Variants in C1orf116 observed in about 807,000 individuals in gnomAD.
C1orf116 encodes chromosome 1 open reading frame 116, also known as specifically androgen-regulated gene protein.
In C1orf116, 12 loss-of-function variants were observed where a neutral mutation model predicts 14.1. The ratio of observed to expected loss-of-function variants is 0.85; its 90% CI spans 0.54 to 1.38. The LOEUF (loss-of-function observed/expected upper bound fraction) is 1.38. Ranked by LOEUF, C1orf116 falls within the 40% of genes most tolerant of loss-of-function variation. The probability of loss-of-function intolerance (pLI) is 0.00; values close to 1 mark genes in which losing one functional copy is unlikely to be tolerated. For synonymous variants in C1orf116, 296 were observed against 299.0 expected (o/e 0.99, Z 0.10); for missense variants, 797 against 747.0 (o/e 1.07, Z -0.78).
In C1orf116 at chr1:207,027,580, ACAG is replaced by A; in HGVS notation, c.16_18del (p.Leu6del). On this transcript the variant is annotated inframe_deletion, in exon 2 of 4. Coordinates refer to ENST00000359470, the MANE Select transcript of C1orf116 (RefSeq NM_023938.6). Reference sequence around the variant, plus strand: ...GGTTCTGAGCCAGTCCCCGCTGGCCACAGCTCCCTCTCGGGCATCACCCGAAAC... The same window carrying A: ...GGTTCTGAGCCAGTCCCCGCTGGCCACTCCCTCTCGGGCATCACCCGAAAC... 1 of 1,613,208 alleles carries A rather than the reference ACAG, an allele frequency of 6.2e-7. No individual in the cohort carries two copies. The highest frequency in any genetic ancestry group is 8.5e-7 in the Non-Finnish European group (1 of 1,180,036).
Position 207,023,341 on chromosome 1 carries a change from G to A in C1orf116, c.423C>T (p.Ala141=). ...SYSLPRNIHI[A]RSQNFRKSTT... Reference sequence around the variant, plus strand: ...TGCTTTTCCTGAAGTTCTGGCTTCTGGCAATGTGGATATTCCTAGGGAGGC... The same window carrying A: ...TGCTTTTCCTGAAGTTCTGGCTTCTAGCAATGTGGATATTCCTAGGGAGGC... The change falls in exon 4 of 4, where the codon GCC becomes GCT. Residue 141 remains alanine (A), a synonymous_variant. Transcript: ENST00000359470. The A allele has an allele frequency of 1.9e-6, 3 of 1,614,152 alleles. No homozygotes were observed. Among genetic ancestry groups the A allele is most frequent in the Non-Finnish European group, 2.5e-6 (3 of 1,180,006 alleles).
In C1orf116 at chr1:207,024,899, G is replaced by A. The variant is rs143212097; in HGVS notation, c.271C>T (p.Pro91Ser). 37 of 1,612,272 alleles carry A rather than the reference G, an allele frequency of 2.3e-5. No individual in the cohort carries two copies. In the Middle Eastern group the frequency reaches 6.6e-4, roughly 29 times the overall value. ...GGGTCTGCCTTACCCCGGGGAGTGG[G>A]TTGGGTTATGGGCAGTGCTCGGAAA... ...RGFRALPITQ[P>S]TPRGGPEETI... is the part of the protein sequence containing the mutation. Residue 91 changes from proline (P) to serine (S), a missense_variant, in exon 3 of 4, where the codon CCC becomes TCC. Transcript: ENST00000359470.
In C1orf116 at chr1:207,022,724, C is replaced by A; in HGVS notation, c.1040G>T (p.Arg347Leu). ...CCCCAGCTTCTCTAGAGCTTCTTTACGTGCTTTTCTCTGCTCTTGCAGTGA... is the reference window on the plus strand; with the variant it reads ...CCCCAGCTTCTCTAGAGCTTCTTTAAGTGCTTTTCTCTGCTCTTGCAGTGA... ...SCSLQEQRKA[R>L]KEALEKLGLP... The change falls in exon 4 of 4, where the codon CGT (arginine) becomes CTT (leucine). Residue 347 changes from arginine to leucine, a missense_variant. Arg to Leu is a moderately radical substitution (Grantham distance 102). Coordinates refer to ENST00000359470, the MANE Select transcript of C1orf116 (RefSeq NM_023938.6). The A allele has an allele frequency of 6.2e-7, 1 of 1,614,152 alleles. No homozygotes were observed. The highest frequency in any genetic ancestry group is 8.5e-7 in the Non-Finnish European group (1 of 1,180,028).
At chr1:207,031,669 G>A (rs1169805097) in intron 1 of C1orf116, among the ~76,000 whole-genome samples, 1 of 152,186 alleles carries the variant, frequency 6.6e-6, no homozygotes, top group Non-Finnish European at 1.5e-5. Context: ...CCTTCCTTCT[G>A]CAGGTAAATC....
At position 207,022,741 on chromosome 1, in the gene C1orf116, T is replaced by C. The variant is rs779255398; in HGVS notation, c.1023A>G (p.Gln341=). ...CTTCTTTACGTGCTTTTCTCTGCTC[T>C]TGCAGTGAACAGGAGATCAGGCCAG... ...GDSGLISCSL[Q]EQRKARKEAL... Residue 341 remains glutamine, a synonymous_variant, in exon 4 of 4, where the codon CAA becomes CAG. Coordinates refer to ENST00000359470, the MANE Select transcript of C1orf116 (RefSeq NM_023938.6). 20 of 1,614,058 alleles carry C rather than the reference T, an allele frequency of 1.2e-5. No homozygotes were observed. The highest frequency in any genetic ancestry group is 1.5e-5 in the Non-Finnish European group (18 of 1,180,028).
rs1320975759 is a variant in C1orf116 at position 207,021,816 on chromosome 1, A to G, written c.*142T>C. 2.6e-6 allele frequency: 2 copies of G among 781,564 alleles called. No individual in the cohort carries two copies. The highest frequency in any genetic ancestry group is 3.3e-5 in the Admixed American group (1 of 30,322). The allele number at this position is 781,564 out of a possible 1,614,324, so 48.4% of individuals were successfully genotyped here. On this transcript the variant is annotated 3_prime_UTR_variant, in exon 4 of 4. Transcript: ENST00000359470. ...CCACATGGGAACTCAATGGCACAACACTGAATATAAATGTATGCTTGGACT... is the reference window on the plus strand; with the variant it reads ...CCACATGGGAACTCAATGGCACAACGCTGAATATAAATGTATGCTTGGACT...
At chr1:207,031,296 A>G (rs1682237398) in intron 1 of C1orf116, among the ~76,000 whole-genome samples, 1 of 152,142 alleles carries the variant, frequency 6.6e-6, no homozygotes, top group Non-Finnish European at 1.5e-5. Flanking sequence ...CCCTTTCACC[A>G]GTGTGTTTGA....
At chr1:207,029,045 T>C (rs1682168040) in intron 1 of C1orf116, among the ~76,000 whole-genome samples, 1 of 152,312 alleles carries the variant, frequency 6.6e-6, no homozygotes, top group Admixed American at 6.5e-5. Flanking sequence ...TCTTGGCCTC[T>C]GGTAATAATT....
Position 207,021,916 on chromosome 1 carries a change from C to T in C1orf116, c.*42G>A, listed in dbSNP as rs533936427. ...AGGCTCCCAAGTGGAGCATGTGTCTCTTCTTGTTCAGCCAGGACAGGGTCT... is the reference window on the plus strand; with the variant it reads ...AGGCTCCCAAGTGGAGCATGTGTCTTTTCTTGTTCAGCCAGGACAGGGTCT... On this transcript the variant is annotated 3_prime_UTR_variant, in exon 4 of 4. Transcript: ENST00000359470. 79 of 1,477,972 alleles carry T rather than the reference C, an allele frequency of 5.3e-5. No individual in the cohort carries two copies. The highest frequency in any genetic ancestry group is 6.5e-5 in the Non-Finnish European group (72 of 1,112,988). 91.6% of individuals were successfully genotyped at this position (1,477,972 alleles called of 1,614,324 possible).
Position 207,032,721 on chromosome 1 carries a change from G to T in C1orf116, c.-224C>A, listed in dbSNP as rs915573622. 96 of 985,204 alleles carry T rather than the reference G, an allele frequency of 9.7e-5. 1 individual carries two copies. Among genetic ancestry groups the T allele is most frequent in the Admixed American group, 6.1e-5 (1 of 16,264 alleles). The allele number at this position is 985,204 out of a possible 1,614,324, so 61.0% of individuals were successfully genotyped here. On this transcript the variant is annotated 5_prime_UTR_variant, in exon 1 of 4. Coordinates refer to ENST00000359470, the MANE Select transcript of C1orf116 (RefSeq NM_023938.6). Reference sequence around the variant, plus strand: ...TCCTGACTTACCTAGATAGGTAAATGCTTCATCTGTGCTGCCTGGCCCCCA... The same window carrying T: ...TCCTGACTTACCTAGATAGGTAAATTCTTCATCTGTGCTGCCTGGCCCCCA...
Position 207,019,393 on chromosome 1 carries a change from G to A in C1orf116, c.*2565C>T, listed in dbSNP as rs1040799763. On this transcript the variant is annotated 3_prime_UTR_variant, in exon 4 of 4. Coordinates refer to ENST00000359470, the MANE Select transcript of C1orf116 (RefSeq NM_023938.6). ...AAGGCCAAGTGGAAGTAGAGCTGTC[G>A]CTTTGATTTTGAAAATCAAATGAAT... 7 of 152,224 alleles carry A rather than the reference G, an allele frequency of 4.6e-5. No individual in the cohort carries two copies. Among genetic ancestry groups the A allele is most frequent in the South Asian group, 2.1e-4 (1 of 4,834 alleles). 9.4% of individuals were successfully genotyped at this position (152,224 alleles called of 1,614,324 possible). A position where few individuals can be genotyped will look rare whatever the true frequency, so the allele number is the denominator to read the frequency against.
rs969719993 is a variant in C1orf116 at position 207,019,245 on chromosome 1, C to T, written c.*2713G>A. ...CAGGTGTGGCAATTCAGAAGAGCAGCTGTCAACACATCTGAGGGCACAGAC... is the reference window on the plus strand; with the variant it reads ...CAGGTGTGGCAATTCAGAAGAGCAGTTGTCAACACATCTGAGGGCACAGAC... On this transcript the variant is annotated 3_prime_UTR_variant, in exon 4 of 4. Transcript: ENST00000359470. 6.6e-6 allele frequency: 1 copy of T among 152,292 alleles called. No homozygotes were observed. Among genetic ancestry groups the T allele is most frequent in the African/African-American group, 2.4e-5 (1 of 41,450 alleles). 9.4% of individuals were successfully genotyped at this position (152,292 alleles called of 1,614,324 possible).
intron 1 of C1orf116, 59 bp downstream of exon 1, chr1:207,032,520 C>T (rs1406464504): frequency 1.0e-6 from 1 of 975,722 alleles, no homozygotes; most frequent in Non-Finnish European, 1.2e-6. Context: ...CTCTGATTTC[C>T]CATGAAACCC....
In C1orf116 at chr1:207,023,271, C is replaced by G; in HGVS notation, c.493G>C (p.Ala165Pro). The change falls in exon 4 of 4, where the codon GCG becomes CCG. Residue 165 changes from alanine (A) to proline (P), a missense_variant. Coordinates refer to ENST00000359470, the MANE Select transcript of C1orf116 (RefSeq NM_023938.6). ...SHNPGEPGRL[A>P]PEPEKEQVSQ... ...ACCTGTTCTTTCTCAGGCTCTGGCG[C>G]AAGCCTCCCCGGTTCTCCAGGGTTG... The G allele has an allele frequency of 6.2e-7, 1 of 1,613,884 alleles. No homozygotes were observed. Among genetic ancestry groups the G allele is most frequent in the Non-Finnish European group, 8.5e-7 (1 of 1,179,816 alleles).
Position 207,023,320 on chromosome 1 carries a change from T to C in C1orf116, c.444A>G (p.Lys148=). 2 of 1,614,148 alleles carry C rather than the reference T, an allele frequency of 1.2e-6. No individual in the cohort carries two copies. The highest frequency in any genetic ancestry group is 2.2e-5 in the East Asian group (1 of 44,876). The change falls in exon 4 of 4, where the codon AAA becomes AAG. Residue 148 remains lysine (K), a synonymous_variant. Coordinates refer to ENST00000359470, the MANE Select transcript of C1orf116 (RefSeq NM_023938.6). The part of the protein sequence containing the change: ...IHIARSQNFR[K]STTQASSHNP... The stretch of plus-strand genomic sequence containing the variant: ...TGTGACTGCTAGCCTGGGTGGTGCT[T>C]TTCCTGAAGTTCTGGCTTCTGGCAA...
In C1orf116 at chr1:207,019,914, T is replaced by C. The variant is rs1681785434; in HGVS notation, c.*2044A>G. ...ATGACCTTGACCATCCTAATCACACTTGTGTGATGCCAGGGCCCCAGGTTC... is the reference window on the plus strand; with the variant it reads ...ATGACCTTGACCATCCTAATCACACCTGTGTGATGCCAGGGCCCCAGGTTC... On this transcript the variant is annotated 3_prime_UTR_variant, in exon 4 of 4. Coordinates refer to ENST00000359470, the MANE Select transcript of C1orf116 (RefSeq NM_023938.6). The C allele has an allele frequency of 6.6e-6, 1 of 152,178 alleles. No individual in the cohort carries two copies. Among genetic ancestry groups the C allele is most frequent in the South Asian group, 2.1e-4 (1 of 4,828 alleles). The allele number at this position is 152,178 out of a possible 1,614,324, so 9.4% of individuals were successfully genotyped here.
intron 3 of C1orf116, among the ~76,000 whole-genome samples, chr1:207,024,682 A>C (rs1426174674): frequency 1.3e-5 from 2 of 152,216 alleles, no homozygotes; most frequent in African/African-American, 4.8e-5. Context: ...TCATAGACAG[A>C]CATAGGAAGC....
At position 207,027,602 on chromosome 1, in the gene C1orf116, C is replaced by T. The variant is rs1192870621; in HGVS notation, c.-4G>A. The T allele has an allele frequency of 1.9e-6, 3 of 1,611,652 alleles. No individual in the cohort carries two copies. The highest frequency in any genetic ancestry group is 8.5e-7 in the Non-Finnish European group (1 of 1,180,006). On this transcript the variant is annotated 5_prime_UTR_variant, in exon 2 of 4. Transcript: ENST00000359470. ...GCCACAGCTCCCTCTCGGGCATCAC[C>T]CGAAACAAGGTGCAGGGATGGCAAA... is the stretch of plus-strand genomic sequence containing the variant.
chr1:207,024,794 GGGGTAGAGGGCAGGCGAGGTAGAAAGT>G (rs1682019760), intron 3 of C1orf116, 66 bp downstream of exon 3: 1 of 1,433,174 alleles, frequency 7.0e-7, no homozygotes, highest in South Asian at 1.3e-5. Context: ...TGTGACCCTT[GGGGTAGAGGGCAGGCGAGGTAGAAAGT>G]GGCCGGAGGG....
Sources: gnomAD v4.1 joint callset for allele counts (sites outside exome capture counted in the v4.1 genomes callset) on GRCh38, gnomAD v4.1.1 for gene constraint, MANE v1.5 for transcripts, NCBI Gene and HGNC (gene_info 2026-07-23, HGNC 2026-07-21) for gene names.